COL24A1: variants seen among roughly 807,000 people sequenced by gnomAD.
COL24A1 encodes collagen alpha-1(XXIV) chain.
Under a neutral mutation model 253.9 loss-of-function variants are expected in COL24A1, and 224 were observed. That is an observed-to-expected ratio of 0.88 (90% confidence interval 0.79 to 0.99). The LOEUF (loss-of-function observed/expected upper bound fraction) is 0.99. Ranked by LOEUF, COL24A1 falls within the 50% of genes least tolerant of loss-of-function variation. The pLI, the probability that COL24A1 is intolerant of heterozygous loss-of-function variation, is 0.00. For synonymous variants in COL24A1, 685 were observed against 673.7 expected (o/e 1.02, Z -0.26); for missense variants, 2,131 against 2,068.5 (o/e 1.03, Z -0.59).
chr1:85,966,112 C>A (rs971502129), intron 22 of COL24A1, among the ~76,000 whole-genome samples: 6 of 151,952 alleles, frequency 3.9e-5, no homozygotes, highest in Non-Finnish European at 5.9e-5. Flanking sequence ...AGGGTGGTAG[C>A]AGAGTGGTAA....
intron 24 of COL24A1, among the ~76,000 whole-genome samples, chr1:85,924,952 C>T (rs552643237): frequency 2.0e-5 from 3 of 152,298 alleles, no homozygotes; most frequent in Admixed American, 2.0e-4. Context: ...TCTCCTTAAG[C>T]TGATAAGCAA....
At chr1:85,927,410 A>G in intron 24 of COL24A1, among the ~76,000 whole-genome samples, 1 of 145,822 alleles carries the variant, frequency 6.9e-6, no homozygotes, top group Non-Finnish European at 1.5e-5. Context: ...ACTATATCCC[A>G]CACCTGGCTC....
chr1:85,761,495 T>G, intron 54 of COL24A1, 36 bp downstream of exon 54: 1 of 1,613,922 alleles, frequency 6.2e-7, no homozygotes, highest in Non-Finnish European at 8.5e-7. Flanking sequence ...CATATAAGCA[T>G]CAATGGTAAA....
At position 85,849,422 on chromosome 1, in the gene COL24A1, TA is replaced by T; in HGVS notation, c.3301-17del. The T allele has an allele frequency of 6.3e-7, 1 of 1,592,970 alleles. No individual in the cohort carries two copies. The highest frequency in any genetic ancestry group is 8.6e-7 in the Non-Finnish European group (1 of 1,162,996). On this transcript the variant is annotated splice_polypyrimidine_tract_variant and intron_variant, in intron 37 of 59. Transcript: ENST00000370571. ...CTTCAGGTCCCTAAAATATTCAATA[TA>T]AAAAAGGAAATAAATGGTTAAAGAA...
At chr1:85,788,911 T>C (rs1669986476) in intron 47 of COL24A1, among the ~76,000 whole-genome samples, 1 of 152,144 alleles carries the variant, frequency 6.6e-6, no homozygotes, top group Non-Finnish European at 1.5e-5. Flanking sequence ...TTCTGGTCCG[T>C]TGGTCTATGT....
intron 24 of COL24A1, among the ~76,000 whole-genome samples, chr1:85,913,060 TACTTTTAGGC>T (rs1237035835): frequency 6.6e-6 from 1 of 152,226 alleles, no homozygotes; most frequent in Non-Finnish European, 1.5e-5. Context: ...CCCTGATGTA[TACTTTTAGGC>T]ACTATGCTAA....
chr1:85,906,262 G>GTTTTTTTTTTTTTTTTTTTTTTTTTTTTT (rs1438385660), intron 28 of COL24A1, among the ~76,000 whole-genome samples: 4 of 14,024 alleles, frequency 2.9e-4, no homozygotes, highest in African/African-American at 8.5e-4. Context: ...AAACTGCAAG[G>GTTTTTTTTTTTTTTTTTTTTTTTTTTTTT]TCTTTTTTTT....
intron 43 of COL24A1, among the ~76,000 whole-genome samples, chr1:85,828,673 T>C (rs1278431404): frequency 2.5e-4 from 29 of 116,200 alleles, no homozygotes; most frequent in Middle Eastern, 4.0e-3. Context: ...TTTACCATTT[T>C]GTAATGGCCT....
At chr1:85,862,451 A>T (rs1297494346) in intron 37 of COL24A1, among the ~76,000 whole-genome samples, 1 of 152,216 alleles carries the variant, frequency 6.6e-6, no homozygotes, top group Non-Finnish European at 1.5e-5. Flanking sequence ...TTAAAAAGAC[A>T]TACAAGGACC....
chr1:85,875,925 A>T (rs942008987), intron 33 of COL24A1, among the ~76,000 whole-genome samples: 2 of 152,104 alleles, frequency 1.3e-5, no homozygotes, highest in African/African-American at 4.8e-5. Context: ...TTTGTCTCCA[A>T]GAGATATTTA....
intron 47 of COL24A1, among the ~76,000 whole-genome samples, chr1:85,806,031 G>A (rs537628049): frequency 1.0e-4 from 15 of 147,778 alleles, no homozygotes; most frequent in African/African-American, 2.5e-4. Context: ...AGCGGAGATC[G>A]CGCCACTGCA....
chr1:85,737,531 GT>G, intron 57 of COL24A1, 26 bp from the exon 58 acceptor site: 1 of 1,412,262 alleles, frequency 7.1e-7, no homozygotes, highest in Non-Finnish European at 9.8e-7. Flanking sequence ...AAAACATAAA[GT>G]TAAAGTTATT....
chr1:85,979,090 T>A (rs1692984090), intron 20 of COL24A1, among the ~76,000 whole-genome samples: 1 of 152,128 alleles, frequency 6.6e-6, no homozygotes, highest in Non-Finnish European at 1.5e-5. Context: ...CTGAATGATC[T>A]CTGGGTCAAC....
At chr1:85,933,979 A>G (rs1013770726) in intron 24 of COL24A1, among the ~76,000 whole-genome samples, 10 of 152,184 alleles carry the variant, frequency 6.6e-5, no homozygotes, top group African/African-American at 2.4e-4. Flanking sequence ...CAGAAATTCA[A>G]AGGTGGCTTA....
intron 1 of COL24A1, among the ~76,000 whole-genome samples, chr1:86,153,690 T>A (rs1269662297): frequency 6.6e-6 from 1 of 152,226 alleles, no homozygotes. Flanking sequence ...CAGCTTATTT[T>A]AAAAATTTAT....
intron 22 of COL24A1, among the ~76,000 whole-genome samples, chr1:85,967,412 G>C (rs1691674751): frequency 6.6e-6 from 1 of 152,148 alleles, no homozygotes; most frequent in African/African-American, 2.4e-5. Context: ...TCATAAAGGA[G>C]ACAAGACACA....
In COL24A1 at chr1:85,858,222, ATCATACCCTTCT is replaced by A. The variant is rs797000480; in HGVS notation, c.3301-8828_3301-8817del. On this transcript the variant is annotated intron_variant, in intron 37 of 59. Transcript: ENST00000370571. ...GCCCAAATAATCACTAACAATTTTA[ATCATACCCTTCT>A]GCCTGTTCAAAACCTTCCAAATGAC... Among the ~76,000 whole-genome samples, 107 of 152,302 alleles carry A rather than the reference ATCATACCCTTCT, an allele frequency of 7.0e-4. 1 individual carries two copies. The highest frequency in any genetic ancestry group is 2.5e-3 in the African/African-American group (102 of 41,588).
At chr1:85,923,539 T>C (rs1686794232) in intron 24 of COL24A1, among the ~76,000 whole-genome samples, 2 of 152,160 alleles carry the variant, frequency 1.3e-5, no homozygotes, top group Admixed American at 1.3e-4. Flanking sequence ...TACAACTACA[T>C]GGAAACTGAA....
In COL24A1 at chr1:85,734,788, G is replaced by C. The variant is rs199906400; in HGVS notation, c.4959C>G (p.Asn1653Lys). The change falls in exon 59 of 60, where the codon AAC becomes AAG. Residue 1653 changes from asparagine to lysine, a missense_variant. Asn to Lys is a moderately conservative substitution (Grantham distance 94). Coordinates refer to ENST00000370571, the MANE Select transcript of COL24A1 (RefSeq NM_152890.7). ...AAAGCACTTTAGGTTCAAGTAGAGTGTTTACTTTAAAAATCTGGCCATTCC... is the reference window on the plus strand; with the variant it reads ...AAAGCACTTTAGGTTCAAGTAGAGTCTTTACTTTAAAAATCTGGCCATTCC... ...KGWNGQIFKV[N>K]TLLEPKVLSD... The C allele has an allele frequency of 6.2e-7, 1 of 1,614,198 alleles. No individual in the cohort carries two copies. The highest frequency in any genetic ancestry group is 8.5e-7 in the Non-Finnish European group (1 of 1,180,038).
Sources: gnomAD v4.1 joint callset for allele counts (sites outside exome capture counted in the v4.1 genomes callset) on GRCh38, gnomAD v4.1.1 for gene constraint, MANE v1.5 for transcripts, NCBI Gene and HGNC (gene_info 2026-07-23, HGNC 2026-07-21) for gene names.